The following FOXJ2 variants were observed in gnomAD, a reference collection of about 807,000 sequenced individuals.
FOXJ2 encodes forkhead box J2, also known as forkhead box protein J2.
FOXJ2 carries 18 observed loss-of-function variants against 68.4 expected under a neutral mutation model. That is an observed-to-expected ratio of 0.26 (90% CI 0.18 to 0.39). FOXJ2 has a LOEUF of 0.39. FOXJ2 is among the 10% of genes least tolerant of loss of function. The pLI is 1.00. For missense variants in FOXJ2, 670 were observed against 726.5 expected, an observed-to-expected ratio of 0.92 and a Z score of 0.89; for synonymous variants, 274 against 263.2, an observed-to-expected ratio of 1.04 and a Z score of -0.40.
At chr12:8,043,304 C>T (rs746145859) in intron 3 of FOXJ2, among the ~76,000 whole-genome samples, 1 of 151,676 alleles carries the variant, frequency 6.6e-6, no homozygotes, top group African/African-American at 2.4e-5. Flanking sequence ...CATGCTCCCC[C>T]TTTTTTGTGT....
At chr12:8,051,870 T>G (rs11057048) in intron 10 of FOXJ2, among the ~76,000 whole-genome samples, 3 of 152,238 alleles carry the variant, frequency 2.0e-5, no homozygotes, top group African/African-American at 7.2e-5. Context: ...TATCTTCTGT[T>G]TGTTTGTTTG....
chr12:8,039,671 T>C, intron 1 of FOXJ2, 148 bp from the exon 2 acceptor site: 1 of 679,110 alleles, frequency 1.5e-6, no homozygotes, highest in East Asian at 2.6e-5. Context: ...ATAGATCTGC[T>C]TGGGGATTCT....
In FOXJ2 at chr12:8,040,011, C is replaced by T; in HGVS notation, c.179C>T (p.Ala60Val). Reference sequence around the variant, plus strand: ...GCCACCCTGAGCAAAGACGAGGCAGCAGTGCACCAGGACGGCAAGCCACGA... The same window carrying T: ...GCCACCCTGAGCAAAGACGAGGCAGTAGTGCACCAGGACGGCAAGCCACGA... ...PNATLSKDEA[A>V]VHQDGKPRYS... The change falls in exon 2 of 11, where the codon GCA (alanine) becomes GTA (valine). Residue 60 changes from alanine (A) to valine (V), a missense_variant. Physicochemically the swap from Ala to Val is moderately conservative, Grantham distance 64. Transcript: ENST00000162391. The surrounding 1 kb of genome is among the most constrained non-coding windows in gnomAD (Gnocchi z 4.0). 1 of 1,614,142 alleles carries T rather than the reference C, an allele frequency of 6.2e-7. No individual in the cohort carries two copies. The highest frequency in any genetic ancestry group is 1.3e-5 in the African/African-American group (1 of 75,028).
At chr12:8,039,040 T>C (rs767857792) in intron 1 of FOXJ2, among the ~76,000 whole-genome samples, 2 of 152,196 alleles carry the variant, frequency 1.3e-5, no homozygotes, top group African/African-American at 2.4e-5. Context: ...TTGGTGTCTG[T>C]GGGCGGGAGC....
chr12:8,037,069 A>C (rs1383189262), intron 1 of FOXJ2, among the ~76,000 whole-genome samples: 1 of 152,220 alleles, frequency 6.6e-6, no homozygotes, highest in Non-Finnish European at 1.5e-5. Flanking sequence ...ATCCTGGGCC[A>C]CAGAGCAAGG....
chr12:8,044,001 C>T lies in FOXJ2; in HGVS notation c.528C>T (p.Gly176=), dbSNP rs113534388. Residue 176 remains glycine (G), a synonymous_variant, in exon 5 of 11, where the codon GGC becomes GGT. Transcript: ENST00000162391. ...AGGCAAGCAAGAGCCCACGGGGAGG[C>T]GTTGCAGGGAGTGGAGAAGCCTCAC... ...EQEASKSPRG[G]VAGSGEASLP... The T allele has an allele frequency of 1.1e-4, 169 of 1,585,382 alleles. 1 individual carries two copies. Among genetic ancestry groups the T allele is most frequent in the African/African-American group, 9.5e-4 (70 of 73,630 alleles).
rs764388958 is a variant in FOXJ2, at chr12:8,040,491, G to A, written c.333+326G>A. 4.6e-5 allele frequency among the ~76,000 whole-genome samples: 7 copies of A among 151,294 alleles called. No homozygotes were observed. Among genetic ancestry groups the A allele is most frequent in the South Asian group, 2.1e-4 (1 of 4,778 alleles). On this transcript the variant is annotated intron_variant, in intron 2 of 10. Transcript: ENST00000162391. The surrounding 1 kb of genome is among the most constrained non-coding windows in gnomAD (Gnocchi z 4.0). Reference sequence around the variant, plus strand: ...GGCTGGGGTGCAATGGCATGATCTCGGCTCACTGCAACTTCCACCTCCCAG... The same window carrying A: ...GGCTGGGGTGCAATGGCATGATCTCAGCTCACTGCAACTTCCACCTCCCAG...
intron 1 of FOXJ2, 98 bp from the exon 2 acceptor site, chr12:8,039,720 TG>T (rs1468007008): frequency 3.9e-6 from 4 of 1,037,694 alleles, no homozygotes; most frequent in Non-Finnish European, 5.6e-6. Context: ...GGGTGTCTTA[TG>T]GGAATGAGAG....
At chr12:8,045,218 A>AT (rs3074123) in intron 6 of FOXJ2, among the ~76,000 whole-genome samples, 39,827 of 123,066 alleles carry the variant, frequency 0.32, 6,898 homozygotes, top group Admixed American at 0.41. Flanking sequence ...TAATTTTTGT[A>AT]TTTTTTTTTT....
chr12:8,042,721 G>A lies in FOXJ2; in HGVS notation c.397G>A (p.Asp133Asn). The change falls in exon 3 of 11, where the codon GAC (aspartate) becomes AAC (asparagine). Residue 133 changes from aspartate (D) to asparagine (N), a missense_variant. Physicochemically the swap from Asp to Asn is conservative, Grantham distance 23. This residue lies in a region of FOXJ2 where 555 missense variants were observed against 562.2 expected (regional missense o/e 0.99). Transcript: ENST00000162391. ...CCGGAAGGTGCCCAGACCTCGGGAT[G>A]ACCCTGGGAAGGTAAGATACTACTG... ...CFRKVPRPRD[D>N]PGKGSYWTID... 1 of 1,613,880 alleles carries A rather than the reference G, an allele frequency of 6.2e-7. No homozygotes were observed. Among genetic ancestry groups the A allele is most frequent in the Non-Finnish European group, 8.5e-7 (1 of 1,179,772 alleles).
In FOXJ2 at chr12:8,035,359, C is replaced by A. The variant is rs1422861449; in HGVS notation, c.-15+1526C>A. On this transcript the variant is annotated intron_variant, in intron 1 of 10. Coordinates refer to ENST00000162391, the MANE Select transcript of FOXJ2 (RefSeq NM_018416.3). This position sits in a 1 kb window ranked among gnomAD's most constrained non-coding sequence, Gnocchi z 4.0. Reference sequence around the variant, plus strand: ...TGAGGGGAAAGGCTTGGCCTCCCCCCAGTCAATGGGAGCCCTCGTGACGGT... The same window carrying A: ...TGAGGGGAAAGGCTTGGCCTCCCCCAAGTCAATGGGAGCCCTCGTGACGGT... Among the ~76,000 whole-genome samples the A allele has an allele frequency of 6.6e-6, 1 of 152,144 alleles. No individual in the cohort carries two copies. Among genetic ancestry groups the A allele is most frequent in the Admixed American group, 6.5e-5 (1 of 15,280 alleles).
chr12:8,044,688 G>A, intron 5 of FOXJ2, 72 bp from the exon 6 acceptor site: 1 of 1,520,460 alleles, frequency 6.6e-7, no homozygotes, highest in African/African-American at 1.4e-5. Context: ...AGGAGAGCCT[G>A]GTGACCATTG....
intron 1 of FOXJ2, among the ~76,000 whole-genome samples, chr12:8,037,540 C>T (rs1462431291): frequency 1.2e-4 from 18 of 152,192 alleles, no homozygotes; most frequent in Non-Finnish European, 1.3e-4. Context: ...TCTGTAAGCC[C>T]TCTAAACACT....
At chr12:8,042,372 G>A (rs1300407819) in intron 2 of FOXJ2, among the ~76,000 whole-genome samples, 1 of 152,142 alleles carries the variant, frequency 6.6e-6, no homozygotes, top group Non-Finnish European at 1.5e-5. Context: ...CTTGTTACTC[G>A]GCTGGAAAGA....
chr12:8,047,967 G>A lies in FOXJ2; in HGVS notation c.903G>A (p.Gln301=). 6.2e-7 allele frequency: 1 copy of A among 1,611,522 alleles called. No individual in the cohort carries two copies. Among genetic ancestry groups the A allele is most frequent in the East Asian group, 2.2e-5 (1 of 44,832 alleles). The change falls in exon 7 of 11, where the codon CAG becomes CAA. Residue 301 remains glutamine, a synonymous_variant. Transcript: ENST00000162391. ...QQQQPPPPQQ[Q]QQQQQPPQPP... ...AGCAGCCACCGCCACCTCAACAGCA[G>A]CAGCAGCAGCAGCAGCCGCCACAGC...
Position 8,048,126 on chromosome 12 carries a change from G to T in FOXJ2, c.1062G>T (p.Ala354=). 6.2e-7 allele frequency: 1 copy of T among 1,613,364 alleles called. No individual in the cohort carries two copies. The highest frequency in any genetic ancestry group is 8.5e-7 in the Non-Finnish European group (1 of 1,179,556). The change falls in exon 7 of 11, where the codon GCG becomes GCT. Residue 354 remains alanine (A), a synonymous_variant. Coordinates refer to ENST00000162391, the MANE Select transcript of FOXJ2 (RefSeq NM_018416.3). ...CTPPGGKQAG[A]EGYGPPPVMA... ...CACCAGGGGGAAAGCAAGCTGGGGC[G>T]GAAGGCTATGGGCCTCCCCCTGTAA...
rs937174718 is a variant in FOXJ2 at position 8,035,902 on chromosome 12, T to C, written c.-15+2069T>C. On this transcript the variant is annotated intron_variant, in intron 1 of 10. Coordinates refer to ENST00000162391, the MANE Select transcript of FOXJ2 (RefSeq NM_018416.3). This position sits in a 1 kb window ranked among gnomAD's most constrained non-coding sequence, Gnocchi z 4.0. ...CATTAGCCAGTACTGGGTGATATTA[T>C]CTCTAAAGGAAAAGTTTGAGATTCT... 6.6e-6 allele frequency among the ~76,000 whole-genome samples: 1 copy of C among 152,146 alleles called. No individual in the cohort carries two copies. Among genetic ancestry groups the C allele is most frequent in the African/African-American group, 2.4e-5 (1 of 41,420 alleles).
Position 8,044,873 on chromosome 12 carries a change from A to G in FOXJ2, c.732A>G (p.Ser244=). 2 of 1,614,128 alleles carry G rather than the reference A, an allele frequency of 1.2e-6. No homozygotes were observed. The highest frequency in any genetic ancestry group is 1.7e-6 in the Non-Finnish European group (2 of 1,179,972). The change falls in exon 6 of 11, where the codon TCA becomes TCG. Residue 244 remains serine, a synonymous_variant. Coordinates refer to ENST00000162391, the MANE Select transcript of FOXJ2 (RefSeq NM_018416.3). ...NTNHDFKFSY[S]EINFQDLSWS... Reference sequence around the variant, plus strand: ...ACCATGACTTTAAATTCTCCTACTCAGAGATCAACTTTCAGGATCTAAGCT... The same window carrying G: ...ACCATGACTTTAAATTCTCCTACTCGGAGATCAACTTTCAGGATCTAAGCT...
Position 8,038,078 on chromosome 12 carries a change from C to G in FOXJ2, c.-14-1741C>G, listed in dbSNP as rs912323574. ...TCAAACAATTCTTGGGTTAGAGTTG[C>G]GTCTCTTGCTGCCCCCGCCCCTGAG... On this transcript the variant is annotated intron_variant, in intron 1 of 10. Coordinates refer to ENST00000162391, the MANE Select transcript of FOXJ2 (RefSeq NM_018416.3). The surrounding 1 kb of genome is among the most constrained non-coding windows in gnomAD (Gnocchi z 5.3). Among the ~76,000 whole-genome samples, 3 of 152,176 alleles carry G rather than the reference C, an allele frequency of 2.0e-5. No homozygotes were observed. The highest frequency in any genetic ancestry group is 7.2e-5 in the African/African-American group (3 of 41,436).
Sources: allele counts gnomAD v4.1 joint callset (sites outside exome capture counted in the v4.1 genomes callset), GRCh38; gene constraint gnomAD v4.1.1; regional missense constraint gnomAD v4.1.1; non-coding constraint Gnocchi (gnomAD v3.1); transcripts MANE v1.5; gene names NCBI Gene and HGNC (gene_info 2026-07-23, HGNC 2026-07-21).